The following PHF24 variants were observed in gnomAD, a reference collection of about 807,000 sequenced individuals.
PHF24 encodes Galpha inhibitory interacting protein.
In PHF24, 25 loss-of-function variants were observed where a neutral mutation model predicts 42.6. The ratio of observed to expected loss-of-function variants is 0.59; its 90% CI spans 0.43 to 0.82. The LOEUF (loss-of-function observed/expected upper bound fraction) is 0.82, where lower values mean the gene tolerates loss of function less well. PHF24 is among the 40% of genes least tolerant of loss of function. PHF24 has a pLI of 0.00. For synonymous variants in PHF24, 185 were observed against 204.8 expected (o/e 0.90, Z 0.83); for missense variants, 470 against 538.1 (o/e 0.87, Z 1.25).
the PHF24 span, among the ~76,000 whole-genome samples, chr9:34,691,709 A>G: frequency 1.3e-5 from 2 of 152,064 alleles, no homozygotes; most frequent in African/African-American, 4.8e-5. Flanking sequence ...CAGGACAACC[A>G]TGAGATCCTG....
chr9:34,978,280 G>C (rs538812063), exon 8 of PHF24: 8 of 601,830 alleles, frequency 1.3e-5, no homozygotes, highest in African/African-American at 1.8e-5. Context: ...CCTCACAATA[G>C]AGGCAGTGAA....
the PHF24 span, among the ~76,000 whole-genome samples, chr9:34,755,238 T>C: frequency 6.6e-6 from 1 of 152,188 alleles, no homozygotes; most frequent in Non-Finnish European, 1.5e-5. Context: ...AAAGGATAAA[T>C]GCTTGAAGTG....
At chr9:34,923,715 C>G in the PHF24 span, among the ~76,000 whole-genome samples, 1 of 151,746 alleles carries the variant, frequency 6.6e-6, no homozygotes, top group Non-Finnish European at 1.5e-5. Context: ...CCTCTTTTTT[C>G]CTGGTTAGTC....
chr9:34,955,785 A>G (rs1421922552), upstream of PHF24, among the ~76,000 whole-genome samples: 4 of 152,166 alleles, frequency 2.6e-5, no homozygotes, highest in South Asian at 4.1e-4. Context: ...TTCTTTTGCT[A>G]TTCCTTTGAC....
At chr9:34,738,694 G>A in the PHF24 span, among the ~76,000 whole-genome samples, 1 of 152,180 alleles carries the variant, frequency 6.6e-6, no homozygotes, top group Non-Finnish European at 1.5e-5. Context: ...TTCTGACTAA[G>A]AACATACGGG....
upstream of PHF24, among the ~76,000 whole-genome samples, chr9:34,957,979 G>A (rs1426582030): frequency 6.6e-6 from 1 of 151,352 alleles, no homozygotes; most frequent in African/African-American, 2.4e-5. Context: ...GGCGCTCGTG[G>A]GGGGCGCCCA....
the PHF24 span, among the ~76,000 whole-genome samples, chr9:34,928,775 C>T: frequency 6.6e-6 from 1 of 152,226 alleles, no homozygotes; most frequent in Non-Finnish European, 1.5e-5. Context: ...TCCAGCTTAT[C>T]TCTAATCCAT....
the PHF24 span, among the ~76,000 whole-genome samples, chr9:34,772,082 A>G: frequency 6.6e-6 from 1 of 152,212 alleles, no homozygotes; most frequent in Non-Finnish European, 1.5e-5. Flanking sequence ...CAAAGGTTTC[A>G]GCTCAGGTTT....
intron 1 of PHF24, among the ~76,000 whole-genome samples, chr9:34,962,435 T>C (rs921384663): frequency 2.0e-4 from 30 of 152,226 alleles, no homozygotes; most frequent in Non-Finnish European, 1.9e-4. Context: ...CTTTTTTTTT[T>C]CAATCCTACA....
At chr9:34,722,310 A>G in the PHF24 span, among the ~76,000 whole-genome samples, 1 of 152,232 alleles carries the variant, frequency 6.6e-6, no homozygotes, top group Non-Finnish European at 1.5e-5. Context: ...AATCAAGGAT[A>G]ACACCATTGT....
At chr9:34,940,964 G>A in the PHF24 span, among the ~76,000 whole-genome samples, 7 of 152,104 alleles carry the variant, frequency 4.6e-5, no homozygotes, top group East Asian at 1.9e-4. Context: ...CTTATAGTTC[G>A]GTGGGACTCT....
chr9:34,737,660 T>C, the PHF24 span, among the ~76,000 whole-genome samples: 3 of 152,316 alleles, frequency 2.0e-5, no homozygotes, highest in East Asian at 3.9e-4. Context: ...TCACCAACAA[T>C]GTATGACGAA....
the PHF24 span, chr9:34,724,956 G>A: frequency 1.3e-6 from 2 of 1,551,716 alleles, no homozygotes; most frequent in Non-Finnish European, 1.7e-6. Context: ...AAGACTCGGA[G>A]CAGCTTAGGG....
the PHF24 span, among the ~76,000 whole-genome samples, chr9:34,696,255 TG>T: frequency 6.6e-6 from 1 of 151,868 alleles, no homozygotes; most frequent in Non-Finnish European, 1.5e-5. Flanking sequence ...TGGGAGGCTG[TG>T]GGGGGCAGAT....
the PHF24 span, among the ~76,000 whole-genome samples, chr9:34,923,343 G>A: frequency 9.2e-5 from 14 of 152,200 alleles, no homozygotes; most frequent in Non-Finnish European, 1.9e-4. Context: ...TCTTTGTCTG[G>A]TTTTGGTATC....
the PHF24 span, among the ~76,000 whole-genome samples, chr9:34,759,015 G>A: frequency 3.3e-5 from 5 of 152,072 alleles, no homozygotes; most frequent in African/African-American, 1.2e-4. Flanking sequence ...GCACTCCACC[G>A]CTCTCCCCTC....
chr9:34,690,127 C>T, the PHF24 span: 1 of 1,590,346 alleles, frequency 6.3e-7, no homozygotes, highest in Non-Finnish European at 8.6e-7. Context: ...TTGGGCTTGG[C>T]ATGGAGAAGG....
the PHF24 span, chr9:34,691,049 G>T: frequency 6.5e-7 from 1 of 1,539,880 alleles, no homozygotes; most frequent in Non-Finnish European, 8.8e-7. Flanking sequence ...CCCACTGCCA[G>T]CCCCCCACTG....
the PHF24 span, among the ~76,000 whole-genome samples, chr9:34,865,554 ACT>A: frequency 6.6e-6 from 1 of 151,730 alleles, no homozygotes; most frequent in African/African-American, 2.4e-5. Flanking sequence ...ACAAAGCAAG[ACT>A]CTGTCTCAAA....
Sources: allele counts gnomAD v4.1 joint callset (sites outside exome capture counted in the v4.1 genomes callset), GRCh38; gene constraint gnomAD v4.1.1; transcripts MANE v1.5; gene names NCBI Gene and HGNC (gene_info 2026-07-23, HGNC 2026-07-21).